Variants in SLC6A14 observed in about 807,000 individuals in gnomAD.
The protein encoded by SLC6A14 is solute carrier family 6 member 14, also known as sodium- and chloride-dependent neutral and basic amino acid transporter B(0+).
SLC6A14 carries 21 observed loss-of-function variants against 51.4 expected under a neutral mutation model. The ratio of observed to expected loss-of-function variants is 0.41; its 90% CI spans 0.29 to 0.59. The LOEUF is 0.59. Ranked by LOEUF, SLC6A14 falls within the 20% of genes least tolerant of loss-of-function variation. SLC6A14 has a pLI of 0.31. For synonymous variants in SLC6A14, 177 were observed against 160.7 expected (o/e 1.10, Z -0.77); for missense variants, 371 against 472.8 (o/e 0.78, Z 2.00).
chrX:116,453,123 T>G lies in SLC6A14; in HGVS notation c.1266T>G (p.Asp422Glu). Residue 422 changes from aspartate to glutamate, a missense_variant, in exon 9 of 14, where the codon GAT (aspartate) becomes GAG (glutamate). Physicochemically the swap from Asp to Glu is conservative, Grantham distance 45 (BLOSUM62 2). This residue lies in a region of SLC6A14 where 277 missense variants were observed against 391.8 expected (regional missense o/e 0.71). Coordinates refer to ENST00000598581, the MANE Select transcript of SLC6A14 (RefSeq NM_007231.5). ...FFFMLLTLGL[D>E]SQFASIETIT... ...TCATGCTTTTAACTTTGGGTCTCGA[T>G]TCTCAGTTTGCTTCGATTGGTAAGT... is the stretch of plus-strand genomic sequence containing the variant. The G allele has an allele frequency of 8.3e-7, 1 of 1,203,791 alleles. No individual in the cohort carries two copies. The highest frequency in any genetic ancestry group is 1.1e-6 in the Non-Finnish European group (1 of 891,049).
intron 2 of SLC6A14, among the ~76,000 whole-genome samples, chrX:116,440,692 C>G (rs1459515152): frequency 9.0e-6 from 1 of 111,658 alleles, no homozygotes; most frequent in Non-Finnish European, 1.9e-5. Flanking sequence ...TGCCTGGGAT[C>G]GCTCAATTCC....
At chrX:116,447,591 C>CTTTTTTTTTTTTTTTTTTTT (rs782273399) in intron 7 of SLC6A14, among the ~76,000 whole-genome samples, 2 of 91,937 alleles carry the variant, frequency 2.2e-5, no homozygotes, top group African/African-American at 4.1e-5. Context: ...GCTTTCACTT[C>CTTTTTTTTTTTTTTTTTTTT]TTTTTTTTTT....
intron 4 of SLC6A14, 39 bp downstream of exon 4, chrX:116,442,887 A>AT: frequency 9.9e-7 from 1 of 1,011,315 alleles, no homozygotes; most frequent in Non-Finnish European, 1.3e-6. Context: ...TTTTATATAT[A>AT]TTTTTTATAA....
intron 9 of SLC6A14, among the ~76,000 whole-genome samples, chrX:116,454,020 C>T (rs187881468): frequency 9.0e-6 from 1 of 111,280 alleles, no homozygotes; most frequent in African/African-American, 3.2e-5. Flanking sequence ...ATTTAAAAGT[C>T]CTACTAGAAT....
At chrX:116,451,850 T>C (rs1602514349) in intron 8 of SLC6A14, among the ~76,000 whole-genome samples, 180 bp downstream of exon 8, 1 of 111,968 alleles carries the variant, frequency 8.9e-6, no homozygotes, top group African/African-American at 3.2e-5. Context: ...AGATTATCCA[T>C]GTAAACAAGA....
At chrX:116,440,175 C>T (rs1927565977) in intron 2 of SLC6A14, among the ~76,000 whole-genome samples, 1 of 110,589 alleles carries the variant, frequency 9.0e-6, no homozygotes, top group Non-Finnish European at 1.9e-5. Context: ...AATACTATGC[C>T]CCAAAAGTGG....
intron 8 of SLC6A14, 102 bp from the exon 9 acceptor site, chrX:116,452,915 G>T: frequency 1.5e-6 from 1 of 658,191 alleles, no homozygotes. Flanking sequence ...CATGGATTGT[G>T]TTGCCAAATA....
At chrX:116,458,787 AT>A in intron 13 of SLC6A14, 21 bp from the exon 14 acceptor site, 1 of 1,156,859 alleles carries the variant, frequency 8.6e-7, no homozygotes. Flanking sequence ...TAAGACAATG[AT>A]TTTTTGTTCT....
chrX:116,438,010 G>A (rs1168232475), intron 2 of SLC6A14, 55 bp downstream of exon 2: 4 of 944,102 alleles, frequency 4.2e-6, no homozygotes, highest in Non-Finnish European at 5.7e-6. Flanking sequence ...AGTTTTAAGT[G>A]TGGTTCTGTA....
Position 116,459,212 on chromosome X carries a change from A to G in SLC6A14, c.*257A>G, listed in dbSNP as rs1927994919. ...CACACCTAAGAGTCTCTATTTCACA[A>G]TTATATTTTTGTAAATAGTATATGC... On this transcript the variant is annotated 3_prime_UTR_variant, in exon 14 of 14. Coordinates refer to ENST00000598581, the MANE Select transcript of SLC6A14 (RefSeq NM_007231.5). 2 of 224,953 alleles carry G rather than the reference A, an allele frequency of 8.9e-6. No individual in the cohort carries two copies. The highest frequency in any genetic ancestry group is 7.3e-5 in the East Asian group (1 of 13,669). The allele number at this position is 224,953 out of a possible 1,213,427, so 18.5% of individuals were successfully genotyped here. A position where few individuals can be genotyped will look rare whatever the true frequency, so the allele number is the denominator to read the frequency against.
At chrX:116,454,474 T>C (rs1927886341) in intron 10 of SLC6A14, 32 bp downstream of exon 10, 1 of 858,601 alleles carries the variant, frequency 1.2e-6, no homozygotes, top group East Asian at 3.1e-5. Flanking sequence ...CATAGAAACA[T>C]ATTAGTTGGA....
In SLC6A14 at chrX:116,445,023, A is replaced by G. The variant is rs1556693911; in HGVS notation, c.762A>G (p.Leu254=). The G allele has an allele frequency of 8.4e-7, 1 of 1,194,402 alleles. No homozygotes were observed. The highest frequency in any genetic ancestry group is 2.3e-5 in the Admixed American group (1 of 42,876). ...CTTGGCTCATAGTTGGAGCAGCACT[A>G]TTTAAAGGAATCAAATCGTCTGGCA... The part of the protein sequence containing the change: ...LLAWLIVGAA[L]FKGIKSSGKV... Residue 254 remains leucine, a synonymous_variant, in exon 6 of 14, where the codon CTA becomes CTG. Transcript: ENST00000598581.
At chrX:116,454,155 T>C (rs1180264075) in intron 9 of SLC6A14, among the ~76,000 whole-genome samples, 169 bp from the exon 10 acceptor site, 1 of 110,941 alleles carries the variant, frequency 9.0e-6, no homozygotes, top group Non-Finnish European at 1.9e-5. Context: ...CAGAACCAAG[T>C]GGTGACTGCC....
In SLC6A14 at chrX:116,451,675, A is replaced by G; in HGVS notation, c.1159+5A>G. Reference sequence around the variant, plus strand: ...TTTCTCAAGTTGTAAAATCAGGTATATAATACTATATATTATCAACTTTGA... The same window carrying G: ...TTTCTCAAGTTGTAAAATCAGGTATGTAATACTATATATTATCAACTTTGA... On this transcript the variant is annotated splice_donor_5th_base_variant and intron_variant, in intron 8 of 13. Transcript: ENST00000598581. The G allele has an allele frequency of 9.9e-7, 1 of 1,005,445 alleles. No individual in the cohort carries two copies. The highest frequency in any genetic ancestry group is 3.1e-5 in the East Asian group (1 of 32,442). The allele number at this position is 1,005,445 out of a possible 1,213,427, so 82.9% of individuals were successfully genotyped here. A position where few individuals can be genotyped will look rare whatever the true frequency, so the allele number is the denominator to read the frequency against.
Position 116,451,624 on chromosome X carries a change from C to T in SLC6A14, c.1113C>T (p.His371=). 1 of 1,207,301 alleles carries T rather than the reference C, an allele frequency of 8.3e-7. No individual in the cohort carries two copies. Among genetic ancestry groups the T allele is most frequent in the Non-Finnish European group, 1.1e-6 (1 of 891,982 alleles). ...AGFAIFSILG[H]MAHISGKEVS... is the part of the protein sequence containing the mutation. ...TTGCTATTTTTTCTATATTGGGACA[C>T]ATGGCCCATATATCTGGAAAGGAAG... Residue 371 remains histidine, a synonymous_variant, in exon 8 of 14, where the codon CAC becomes CAT. Transcript: ENST00000598581.
chrX:116,437,781 C>T lies in SLC6A14; in HGVS notation c.49-9C>T. 1 of 1,189,940 alleles carries T rather than the reference C, an allele frequency of 8.4e-7. No homozygotes were observed. The highest frequency in any genetic ancestry group is 1.1e-6 in the Non-Finnish European group (1 of 884,872). On this transcript the variant is annotated splice_polypyrimidine_tract_variant and intron_variant, in intron 1 of 13. Coordinates refer to ENST00000598581, the MANE Select transcript of SLC6A14 (RefSeq NM_007231.5). ...GAAAGGCAAGCTGTTGATATTTTTT[C>T]TTCCCCAGAAAGTGTCGGCTTCATC...
intron 6 of SLC6A14, 151 bp downstream of exon 6, chrX:116,445,201 G>A: frequency 5.9e-6 from 3 of 506,492 alleles, no homozygotes; most frequent in Admixed American, 9.1e-5. Flanking sequence ...TAAGCTCTAA[G>A]TAAATACATA....
chrX:116,455,246 T>C (rs1927909217), intron 11 of SLC6A14, 111 bp from the exon 12 acceptor site: 3 of 676,344 alleles, frequency 4.4e-6, no homozygotes, highest in African/African-American at 2.2e-5. Context: ...AGGTGTATGA[T>C]TCATTGTTGT....
intron 13 of SLC6A14, 127 bp downstream of exon 13, chrX:116,457,903 C>T: frequency 2.1e-6 from 1 of 483,392 alleles, no homozygotes; most frequent in East Asian, 3.5e-5. Flanking sequence ...CTCTTGGCTA[C>T]TTCTATACCT....
Sources: allele counts gnomAD v4.1 joint callset (sites outside exome capture counted in the v4.1 genomes callset), GRCh38; gene constraint gnomAD v4.1.1; regional missense constraint gnomAD v4.1.1; transcripts MANE v1.5; gene names NCBI Gene and HGNC (gene_info 2026-07-23, HGNC 2026-07-21).